Variants in EFR3B observed in about 807,000 individuals in gnomAD.
EFR3B encodes protein EFR3 homolog B.
EFR3B carries 64 observed loss-of-function variants against 104.7 expected under a neutral mutation model. The observed-to-expected ratio is 0.61, with a 90% confidence interval of 0.50 to 0.75. The LOEUF (loss-of-function observed/expected upper bound fraction) is 0.75, where lower values mean the gene tolerates loss of function less well. Among genes scored for constraint, EFR3B ranks in the 30% least tolerant of loss-of-function variants. EFR3B has a pLI of 0.00. For synonymous variants in EFR3B, 385 were observed against 417.9 expected, an observed-to-expected ratio of 0.92 and a Z score of 0.96; for missense variants, 750 against 1,078.5, an observed-to-expected ratio of 0.70 and a Z score of 4.27.
chr2:25,055,990 G>T (rs1668010349), intron 1 of EFR3B, among the ~76,000 whole-genome samples: 1 of 152,180 alleles, frequency 6.6e-6, no homozygotes, highest in African/African-American at 2.4e-5. Flanking sequence ...GTATGTAGTA[G>T]TAAGAGTCCA....
intron 1 of EFR3B, among the ~76,000 whole-genome samples, chr2:25,047,678 T>C (rs1667759943): frequency 6.6e-6 from 1 of 151,980 alleles, no homozygotes; most frequent in Non-Finnish European, 1.5e-5. Context: ...TTTGTATTTT[T>C]AGTAGAGATG....
chr2:25,076,982 C>T (rs185332091), intron 1 of EFR3B, among the ~76,000 whole-genome samples: 2 of 152,214 alleles, frequency 1.3e-5, no homozygotes, highest in Admixed American at 6.5e-5. Flanking sequence ...ATCCTGCCTC[C>T]TTCCCCAAAT....
Position 25,097,390 on chromosome 2 carries a change from G to T in EFR3B, c.212+4260G>T, listed in dbSNP as rs13384209. Among the ~76,000 whole-genome samples the T allele has an allele frequency of 3.1e-3, 478 of 152,308 alleles. 1 individual carries two copies. Among genetic ancestry groups the T allele is most frequent in the African/African-American group, 0.011 (462 of 41,554 alleles). ...ATTATCTTCCTCATCACTGATGGCAGCTTTGGAAGAGTAAAATATTCTCAT... is the reference window on the plus strand; with the variant it reads ...ATTATCTTCCTCATCACTGATGGCATCTTTGGAAGAGTAAAATATTCTCAT... On this transcript the variant is annotated intron_variant, in intron 3 of 22. Transcript: ENST00000403714.
chr2:25,091,136 T>C (rs1417848845), intron 1 of EFR3B, among the ~76,000 whole-genome samples, 189 bp from the exon 2 acceptor site: 1 of 151,462 alleles, frequency 6.6e-6, no homozygotes, highest in Non-Finnish European at 1.5e-5. Flanking sequence ...TGTCTTAGAG[T>C]GTGGGGGTAG....
chr2:25,090,120 T>G (rs759590838), intron 1 of EFR3B, among the ~76,000 whole-genome samples: 5 of 152,270 alleles, frequency 3.3e-5, no homozygotes, highest in Non-Finnish European at 5.9e-5. Context: ...ACCTGTAGGC[T>G]TAATCTTCCC....
intron 1 of EFR3B, among the ~76,000 whole-genome samples, chr2:25,085,193 T>G (rs1397686825): frequency 1.3e-5 from 2 of 152,222 alleles, no homozygotes; most frequent in African/African-American, 4.8e-5. Context: ...ATCTGGGATT[T>G]CCATCGTCAA....
chr2:25,081,571 T>C, intron 1 of EFR3B: 1 of 900,076 alleles, frequency 1.1e-6, no homozygotes, highest in Admixed American at 1.7e-5. Context: ...GAGTCCATGG[T>C]TATTCAACAA....
chr2:25,152,237 A>G (rs1671033962), intron 21 of EFR3B, among the ~76,000 whole-genome samples: 1 of 143,142 alleles, frequency 7.0e-6, no homozygotes, highest in Non-Finnish European at 1.5e-5. Flanking sequence ...CTGCTCCCCT[A>G]TGAACCAAAA....
intron 1 of EFR3B, among the ~76,000 whole-genome samples, chr2:25,074,590 A>G (rs1415211129): frequency 6.6e-6 from 1 of 151,790 alleles, no homozygotes; most frequent in Non-Finnish European, 1.5e-5. Flanking sequence ...AAGAAAAGAA[A>G]GAAGCATCTT....
Position 25,143,818 on chromosome 2 carries a change from A to G in EFR3B, c.2006A>G (p.Tyr669Cys), listed in dbSNP as rs931913881. The change falls in exon 18 of 23, where the codon TAC becomes TGC. Residue 669 changes from tyrosine (Y) to cysteine (C), a missense_variant. Transcript: ENST00000403714. ...KISEVLGGSGYNSDRLCLPYI... is the reference protein window; with the variant it reads ...KISEVLGGSGCNSDRLCLPYI... ...AGTGAAGTCCTGGGAGGCAGTGGCT[A>G]CAACTCGGACCGGCTCTGCCTGCCC... 1.3e-6 allele frequency: 2 copies of G among 1,551,652 alleles called. No individual in the cohort carries two copies. The highest frequency in any genetic ancestry group is 1.7e-6 in the Non-Finnish European group (2 of 1,146,974).
chr2:25,056,135 C>T (rs953769696), intron 1 of EFR3B, among the ~76,000 whole-genome samples: 15 of 152,192 alleles, frequency 9.9e-5, no homozygotes, highest in African/African-American at 2.9e-4. Flanking sequence ...CCTGTAGTGA[C>T]AGCAATAACA....
At chr2:25,106,620 A>G (rs1464764215) in intron 4 of EFR3B, among the ~76,000 whole-genome samples, 2 of 151,960 alleles carry the variant, frequency 1.3e-5, no homozygotes, top group Non-Finnish European at 2.9e-5. Flanking sequence ...ACCACACCCA[A>G]CTAAGGGAGA....
intron 4 of EFR3B, among the ~76,000 whole-genome samples, chr2:25,116,580 C>T (rs552893777): frequency 2.6e-5 from 4 of 151,994 alleles, no homozygotes; most frequent in African/African-American, 4.8e-5. Context: ...ACCAAGATGG[C>T]GCCACTGCAC....
At chr2:25,122,864 C>T (rs575829014) in intron 5 of EFR3B, among the ~76,000 whole-genome samples, 100 of 152,220 alleles carry the variant, frequency 6.6e-4, no homozygotes, top group African/African-American at 2.3e-3. Flanking sequence ...GTTTTACTCA[C>T]GGATGCATCC....
At chr2:25,079,730 C>T (rs1351758511) in intron 1 of EFR3B, among the ~76,000 whole-genome samples, 3 of 152,168 alleles carry the variant, frequency 2.0e-5, no homozygotes, top group Non-Finnish European at 4.4e-5. Flanking sequence ...GTTCTTTATA[C>T]AAACAGTGTT....
At chr2:25,071,237 G>A (rs1320998482) in intron 1 of EFR3B, among the ~76,000 whole-genome samples, 9 of 149,628 alleles carry the variant, frequency 6.0e-5, no homozygotes, top group Non-Finnish European at 1.2e-4. Flanking sequence ...TGGGATTACA[G>A]GCATGAGCCA....
intron 1 of EFR3B, among the ~76,000 whole-genome samples, chr2:25,053,661 T>A (rs1667942895): frequency 6.6e-6 from 1 of 152,002 alleles, no homozygotes; most frequent in Non-Finnish European, 1.5e-5. Context: ...TCCAAGCACT[T>A]TGGGAGGCTG....
chr2:25,048,910 G>T (rs1322758729), intron 1 of EFR3B, among the ~76,000 whole-genome samples: 1 of 152,158 alleles, frequency 6.6e-6, no homozygotes, highest in Admixed American at 6.5e-5. Context: ...CCACACATGG[G>T]GAGAAAAACC....
intron 1 of EFR3B, chr2:25,081,290 A>G: frequency 4.1e-6 from 4 of 986,902 alleles, no homozygotes; most frequent in Non-Finnish European, 4.8e-6. Context: ...CTCGACCATC[A>G]GCTGAAACCT....
Sources: allele counts gnomAD v4.1 joint callset (sites outside exome capture counted in the v4.1 genomes callset), GRCh38; gene constraint gnomAD v4.1.1; transcripts MANE v1.5; gene names NCBI Gene and HGNC (gene_info 2026-07-23, HGNC 2026-07-21).